The following FSTL5 variants were observed in gnomAD, a reference collection of about 807,000 sequenced individuals.
FSTL5 encodes the protein follistatin-related protein 5.
Under a neutral mutation model 89.1 loss-of-function variants are expected in FSTL5, and 62 were observed. The observed-to-expected ratio is 0.70, with a 90% CI of 0.57 to 0.86. The LOEUF (loss-of-function observed/expected upper bound fraction) is 0.86. Ranked by LOEUF, FSTL5 falls within the 40% of genes least tolerant of loss-of-function variation. The pLI, the probability that FSTL5 is intolerant of heterozygous loss-of-function variation, is 0.00. For synonymous variants in FSTL5, 383 were observed against 346.2 expected (o/e 1.11, Z -1.18); for missense variants, 1,057 against 1,001.6 (o/e 1.06, Z -0.75).
chr4:161,944,522 T>C (rs1734683244), intron 3 of FSTL5, among the ~76,000 whole-genome samples: 1 of 152,024 alleles, frequency 6.6e-6, no homozygotes, highest in Non-Finnish European at 1.5e-5. Context: ...CAATATACTA[T>C]ATATTTTAGC....
chr4:161,769,501 A>T (rs1041478139), intron 5 of FSTL5, among the ~76,000 whole-genome samples: 1 of 152,004 alleles, frequency 6.6e-6, no homozygotes, highest in African/African-American at 2.4e-5. Context: ...ATCAAGTGGG[A>T]TTTATCCCAG....
Position 161,985,513 on chromosome 4 carries a change from A to G in FSTL5, c.160+48112T>C, listed in dbSNP as rs1418252552. On this transcript the variant is annotated intron_variant, in intron 3 of 15. Transcript: ENST00000306100. ...AAAGAAATCTGTTTTTGAACAAGAT[A>G]AGTTTCTTAAAAATACAATGTCTCC... 2.0e-5 allele frequency among the ~76,000 whole-genome samples: 3 copies of G among 152,132 alleles called. 1 individual carries two copies. Among genetic ancestry groups the G allele is most frequent in the East Asian group, 3.9e-4 (2 of 5,172 alleles).
chr4:161,753,903 G>A (rs146801538), intron 6 of FSTL5, among the ~76,000 whole-genome samples: 12,117 of 151,790 alleles, frequency 0.08, 908 homozygotes, highest in African/African-American at 0.2. Context: ...TTAGCCGGGC[G>A]TGGTGGCTGG....
At chr4:161,644,694 G>A (rs993025330) in intron 7 of FSTL5, among the ~76,000 whole-genome samples, 1 of 152,066 alleles carries the variant, frequency 6.6e-6, no homozygotes, top group Non-Finnish European at 1.5e-5. Context: ...CAGAAAGCTA[G>A]AAGAAGCCAT....
chr4:161,538,428 C>A, intron 9 of FSTL5, 128 bp from the exon 10 acceptor site: 1 of 994,604 alleles, frequency 1.0e-6, no homozygotes, highest in South Asian at 1.5e-5. Flanking sequence ...TACTTCCATA[C>A]TTTGAAGGCA....
intron 4 of FSTL5, among the ~76,000 whole-genome samples, chr4:161,897,519 G>A (rs1733198552): frequency 7.0e-6 from 1 of 142,126 alleles, no homozygotes; most frequent in South Asian, 2.2e-4. Flanking sequence ...AGGTCACGGT[G>A]AGCCAAGATC....
At position 161,759,410 on chromosome 4, in the gene FSTL5, C is replaced by T. The variant is rs1025113365; in HGVS notation, c.727+1G>A. The stretch of plus-strand genomic sequence containing the variant: ...AATTGGAGAATGAATCTTGTACTCA[C>T]GGAATGCTCTATAAAATTCTTCAAG... On this transcript the variant is annotated splice_donor_variant, in intron 6 of 15. Transcript: ENST00000306100. LOFTEE classifies it high-confidence loss of function. 10 of 1,583,876 alleles carry T rather than the reference C, an allele frequency of 6.3e-6. No individual in the cohort carries two copies. The highest frequency in any genetic ancestry group is 2.4e-5 in the East Asian group (1 of 42,304).
At chr4:161,960,038 T>C (rs1735132168) in intron 3 of FSTL5, among the ~76,000 whole-genome samples, 2 of 152,108 alleles carry the variant, frequency 1.3e-5, no homozygotes, top group Admixed American at 6.6e-5. Context: ...TTATTATCTA[T>C]ACAATGTTAT....
At chr4:162,057,666 G>A (rs1271808638) in intron 2 of FSTL5, among the ~76,000 whole-genome samples, 1 of 151,978 alleles carries the variant, frequency 6.6e-6, no homozygotes, top group Non-Finnish European at 1.5e-5. Flanking sequence ...TATTTCACCC[G>A]GGTGTGGTGG....
rs117563480 is a variant in FSTL5, at chr4:161,899,538, G to A, written c.409+20866C>T. Among the ~76,000 whole-genome samples, 11 of 152,248 alleles carry A rather than the reference G, an allele frequency of 7.2e-5. No homozygotes were observed. In the East Asian group the frequency reaches 2.1e-3, roughly 29 times the overall value. ...CTGCCAATCTTAGTGAACTGCCAGG[G>A]AGCTGCTCTATTCCTATTTATTCAA... On this transcript the variant is annotated intron_variant, in intron 4 of 15. Transcript: ENST00000306100.
intron 7 of FSTL5, among the ~76,000 whole-genome samples, chr4:161,598,844 C>G (rs541483823): frequency 9.9e-5 from 15 of 151,966 alleles, no homozygotes; most frequent in Admixed American, 2.0e-4. Context: ...GCAAAGGAAA[C>G]AGTACATATA....
At chr4:162,018,610 T>G (rs1266637909) in intron 3 of FSTL5, among the ~76,000 whole-genome samples, 1 of 151,296 alleles carries the variant, frequency 6.6e-6, no homozygotes, top group African/African-American at 2.4e-5. Flanking sequence ...TCTGCCTACA[T>G]AATATTTGTG....
intron 2 of FSTL5, among the ~76,000 whole-genome samples, chr4:162,041,665 G>C (rs763717101): frequency 1.6e-4 from 24 of 151,786 alleles, no homozygotes; most frequent in Non-Finnish European, 3.4e-4. Flanking sequence ...AGAAAATCTA[G>C]AGAGAACTTG....
intron 4 of FSTL5, among the ~76,000 whole-genome samples, chr4:161,894,157 C>G (rs2110765182): frequency 6.6e-6 from 1 of 152,118 alleles, no homozygotes; most frequent in Non-Finnish European, 1.5e-5. Context: ...AAATATAAGT[C>G]TTAGATGAGT....
intron 4 of FSTL5, among the ~76,000 whole-genome samples, chr4:161,919,872 TA>T (rs1370355841): frequency 6.6e-6 from 1 of 152,128 alleles, no homozygotes; most frequent in South Asian, 2.1e-4. Context: ...ACCAGTACTT[TA>T]AAAAAAATTT....
chr4:161,507,937 T>C (rs1378087804), intron 11 of FSTL5, among the ~76,000 whole-genome samples: 2 of 151,978 alleles, frequency 1.3e-5, no homozygotes, highest in African/African-American at 2.4e-5. Context: ...GGTTTTATAA[T>C]TGGTTCTCTC....
rs371390000 is a variant in FSTL5 at position 161,912,902 on chromosome 4, TG to T, written c.409+7501del. ...TCTCAGAAGGAGATAAGAAAATTCT[TG>T]GGAGTTGGAGCAAAGGTGACTCTTT... is the stretch of plus-strand genomic sequence containing the variant. On this transcript the variant is annotated intron_variant, in intron 4 of 15. Coordinates refer to ENST00000306100, the MANE Select transcript of FSTL5 (RefSeq NM_020116.5). 3.7e-3 allele frequency among the ~76,000 whole-genome samples: 565 copies of T among 152,272 alleles called. 8 individuals are homozygous for T. The highest frequency in any genetic ancestry group is 0.013 in the African/African-American group (534 of 41,562).
chr4:162,063,654 T>A (rs1285103962), intron 2 of FSTL5, among the ~76,000 whole-genome samples: 3 of 151,956 alleles, frequency 2.0e-5, no homozygotes, highest in African/African-American at 7.2e-5. Flanking sequence ...TTTCATAAAT[T>A]CCTGTTGATT....
chr4:161,385,279 A>G lies in FSTL5; in HGVS notation c.*468T>C, dbSNP rs1730577807. On this transcript the variant is annotated 3_prime_UTR_variant, in exon 16 of 16. Transcript: ENST00000306100. ...TTTTCCTCCTGTGACATTCCCTTCAAGGCACAAAATATTATAAACAGTGGA... is the reference window on the plus strand; with the variant it reads ...TTTTCCTCCTGTGACATTCCCTTCAGGGCACAAAATATTATAAACAGTGGA... The G allele has an allele frequency of 1.3e-5, 2 of 154,798 alleles. No homozygotes were observed. Among genetic ancestry groups the G allele is most frequent in the Admixed American group, 1.3e-4 (2 of 15,638 alleles). The allele number at this position is 154,798 out of a possible 1,614,324, so 9.6% of individuals were successfully genotyped here.
Sources: gnomAD v4.1 joint callset for allele counts (sites outside exome capture counted in the v4.1 genomes callset) on GRCh38, gnomAD v4.1.1 for gene constraint, MANE v1.5 for transcripts, NCBI Gene and HGNC (gene_info 2026-07-23, HGNC 2026-07-21) for gene names.